SCEL: variants seen among roughly 807,000 people sequenced by gnomAD.
The protein encoded by SCEL is sciellin.
Under a neutral mutation model 117.6 loss-of-function variants are expected in SCEL, and 113 were observed. That is an observed-to-expected ratio of 0.96 (90% confidence interval 0.83 to 1.12). The LOEUF (loss-of-function observed/expected upper bound fraction) is 1.12, where lower values mean the gene tolerates loss of function less well. Ranked by LOEUF, SCEL falls within the 50% of genes most tolerant of loss-of-function variation. The probability of loss-of-function intolerance (pLI) is 0.00; values close to 1 mark genes in which losing one functional copy is unlikely to be tolerated. For synonymous variants in SCEL, 270 were observed against 256.2 expected, an observed-to-expected ratio of 1.05 and a Z score of -0.51; for missense variants, 785 against 810.8, an observed-to-expected ratio of 0.97 and a Z score of 0.39.
chr13:77,540,284 G>A (rs2083634485), intron 1 of SCEL, among the ~76,000 whole-genome samples: 2 of 152,162 alleles, frequency 1.3e-5, no homozygotes, highest in Admixed American at 1.3e-4. Context: ...TTGAAAATCA[G>A]CTGTGGAGAA....
intron 6 of SCEL, among the ~76,000 whole-genome samples, chr13:77,568,079 G>T (rs2085384728): frequency 1.3e-5 from 2 of 152,062 alleles, no homozygotes; most frequent in Admixed American, 1.3e-4. Flanking sequence ...GGGCTTAAAA[G>T]ATACTAAATT....
chr13:77,618,047 A>G lies in SCEL; in HGVS notation c.1615A>G (p.Arg539Gly). 2.5e-6 allele frequency: 4 copies of G among 1,612,540 alleles called. No homozygotes were observed. Among genetic ancestry groups the G allele is most frequent in the Non-Finnish European group, 3.4e-6 (4 of 1,178,584 alleles). ...TATTAAAGTGAAACCTTCAGCTCTT[A>G]GAAACACTAATCGGTAAATGACCTT... ...NLIKVKPSAL[R>G]NTNRDQNLEN... The change falls in exon 27 of 33, where the codon AGA becomes GGA. Residue 539 changes from arginine (R) to glycine (G), a missense_variant. Coordinates refer to ENST00000349847, the MANE Select transcript of SCEL (RefSeq NM_144777.3).
At chr13:77,577,621 G>A (rs559169240) in intron 9 of SCEL, among the ~76,000 whole-genome samples, 38 of 152,160 alleles carry the variant, frequency 2.5e-4, no homozygotes, top group African/African-American at 7.9e-4. Context: ...TCAATATTTC[G>A]CTTCTATGTT....
intron 23 of SCEL, among the ~76,000 whole-genome samples, chr13:77,613,262 A>G (rs757316675): frequency 6.6e-6 from 1 of 152,188 alleles, no homozygotes; most frequent in African/African-American, 2.4e-5. Context: ...AACTGAACAA[A>G]TCAGTAAATA....
chr13:77,596,688 GGTGTGTGTGTGTGT>G (rs71102762), intron 12 of SCEL, among the ~76,000 whole-genome samples: 1 of 145,362 alleles, frequency 6.9e-6, no homozygotes, highest in Non-Finnish European at 1.5e-5. Flanking sequence ...GGTGGGGCAA[GGTGTGTGTGTGTGT>G]GTGTGTGTGT....
intron 8 of SCEL, among the ~76,000 whole-genome samples, chr13:77,571,730 T>TATATATATAG (rs1294104312): frequency 1.3e-5 from 2 of 150,306 alleles, no homozygotes; most frequent in East Asian, 3.9e-4. Context: ...TATATATATA[T>TATATATATAG]AGAGTAGAGT....
chr13:77,599,908 C>T, intron 15 of SCEL, 160 bp downstream of exon 15: 1 of 593,732 alleles, frequency 1.7e-6, no homozygotes. Flanking sequence ...GTTTTGCCAC[C>T]AACATCAATC....
chr13:77,610,574 C>A (rs2088581296), intron 22 of SCEL, among the ~76,000 whole-genome samples: 1 of 152,156 alleles, frequency 6.6e-6, no homozygotes, highest in African/African-American at 2.4e-5. Context: ...GGCTCTCTGG[C>A]CACAGGAGAG....
At chr13:77,627,827 G>A (rs547250440) in intron 27 of SCEL, 120 bp from the exon 28 acceptor site, 15 of 307,170 alleles carry the variant, frequency 4.9e-5, no homozygotes, top group African/African-American at 3.0e-4. Flanking sequence ...ATCTCCCATA[G>A]CCTGATAGAC....
At chr13:77,542,914 G>C (rs1379268970) in intron 1 of SCEL, among the ~76,000 whole-genome samples, 1 of 151,942 alleles carries the variant, frequency 6.6e-6, no homozygotes, top group Non-Finnish European at 1.5e-5. Flanking sequence ...GATTTTCCCT[G>C]TTTCATTGAT....
chr13:77,630,719 TAA>T, intron 28 of SCEL, among the ~76,000 whole-genome samples: 1 of 152,232 alleles, frequency 6.6e-6, no homozygotes, highest in Admixed American at 6.5e-5. Context: ...TTCTCAAGTG[TAA>T]ATCCATTTGG....
chr13:77,596,344 A>T (rs2154400802), intron 12 of SCEL, among the ~76,000 whole-genome samples: 1 of 152,250 alleles, frequency 6.6e-6, no homozygotes, highest in East Asian at 1.9e-4. Flanking sequence ...AAAAAAAAAA[A>T]AGTATAGCAA....
intron 31 of SCEL, 140 bp downstream of exon 31, chr13:77,640,924 T>C (rs941025257): frequency 1.2e-5 from 6 of 485,948 alleles, no homozygotes; most frequent in African/African-American, 1.2e-4. Flanking sequence ...ACTACTTAAA[T>C]ATTTCTGAGT....
chr13:77,582,820 TTC>T (rs142536433), intron 9 of SCEL, among the ~76,000 whole-genome samples: 3,747 of 152,346 alleles, frequency 0.025, 154 homozygotes, highest in East Asian at 0.13. Context: ...CAAAAATTTC[TTC>T]TGTTTTCTTC....
intron 17 of SCEL, 159 bp from the exon 18 acceptor site, chr13:77,602,917 A>G (rs2087820555): frequency 3.2e-6 from 2 of 623,804 alleles, no homozygotes; most frequent in South Asian, 4.8e-5. Context: ...GATTAATTAA[A>G]CTATGTTATT....
intron 11 of SCEL, among the ~76,000 whole-genome samples, chr13:77,593,295 T>TGTGTGTGCGCGC (rs796907419): frequency 0.025 from 3,458 of 136,808 alleles, 143 homozygotes; most frequent in African/African-American, 0.074. Context: ...TGTGTGTGTG[T>TGTGTGTGCGCGC]GTCTGTGTGT....
intron 13 of SCEL, among the ~76,000 whole-genome samples, chr13:77,598,122 T>C (rs2087369753): frequency 6.6e-6 from 1 of 152,094 alleles, no homozygotes; most frequent in African/African-American, 2.4e-5. Context: ...CCACCACGTG[T>C]GGCTAATTTT....
intron 8 of SCEL, among the ~76,000 whole-genome samples, chr13:77,571,729 A>ATG: frequency 6.6e-6 from 1 of 150,870 alleles, no homozygotes; most frequent in South Asian, 2.1e-4. Flanking sequence ...ATATATATAT[A>ATG]TAGAGTAGAG....
At chr13:77,591,330 A>G in intron 10 of SCEL, 65 bp from the exon 11 acceptor site, 1 of 996,750 alleles carries the variant, frequency 1.0e-6, no homozygotes, top group Admixed American at 2.1e-5. Context: ...TTTAAAATAA[A>G]TTTCAATTTA....
Sources: gnomAD v4.1 joint callset for allele counts (sites outside exome capture counted in the v4.1 genomes callset) on GRCh38, gnomAD v4.1.1 for gene constraint, MANE v1.5 for transcripts, NCBI Gene and HGNC (gene_info 2026-07-23, HGNC 2026-07-21) for gene names.